ERC2: variants seen among roughly 807,000 people sequenced by gnomAD.
ERC2 encodes the protein ERC protein 2.
Under a neutral mutation model 114.8 loss-of-function variants are expected in ERC2, and 42 were observed. The observed-to-expected ratio is 0.37, with a 90% confidence interval of 0.29 to 0.47. ERC2 has a LOEUF of 0.47. Ranked by LOEUF, ERC2 falls within the 20% of genes least tolerant of loss-of-function variation. The pLI is 0.99. For missense variants in ERC2, 939 were observed against 1,150.7 expected (o/e 0.82, Z 2.66); for synonymous variants, 454 against 425.5 (o/e 1.07, Z -0.82).
intron 2 of ERC2, among the ~76,000 whole-genome samples, chr3:56,362,245 G>C (rs1054139816): frequency 6.6e-6 from 1 of 152,196 alleles, no homozygotes; most frequent in African/African-American, 2.4e-5. Context: ...GGAATTTTAA[G>C]TGTTAGAGCT....
intron 17 of ERC2, among the ~76,000 whole-genome samples, chr3:55,542,657 T>C (rs1045576523): frequency 6.6e-6 from 1 of 152,138 alleles, no homozygotes; most frequent in African/African-American, 2.4e-5. Context: ...CATGAAAAAA[T>C]GAAGAGCTTT....
intron 3 of ERC2, among the ~76,000 whole-genome samples, chr3:56,235,189 AATC>A (rs1366802217): frequency 1.3e-5 from 2 of 152,174 alleles, no homozygotes; most frequent in Non-Finnish European, 2.9e-5. Flanking sequence ...TGCATACAAC[AATC>A]ATTCAACAAC....
chr3:56,107,150 G>A (rs1226548082), intron 6 of ERC2, among the ~76,000 whole-genome samples: 1 of 152,078 alleles, frequency 6.6e-6, no homozygotes, highest in Non-Finnish European at 1.5e-5. Context: ...CCAAGATATT[G>A]AAGGGGGAAA....
chr3:56,215,981 C>T (rs1460151750), intron 3 of ERC2, among the ~76,000 whole-genome samples: 2 of 151,982 alleles, frequency 1.3e-5, no homozygotes, highest in African/African-American at 4.8e-5. Context: ...ATCTCTGGGA[C>T]ACATTTAAAG....
At chr3:56,364,240 G>A (rs1292038861) in intron 2 of ERC2, among the ~76,000 whole-genome samples, 5 of 152,168 alleles carry the variant, frequency 3.3e-5, no homozygotes, top group Non-Finnish European at 1.5e-5. Context: ...CTGGGGGATT[G>A]GGAAATGGAG....
chr3:56,356,219 G>C (rs2058739171), intron 2 of ERC2, among the ~76,000 whole-genome samples: 1 of 152,158 alleles, frequency 6.6e-6, no homozygotes, highest in African/African-American at 2.4e-5. Flanking sequence ...ATCCACCAGA[G>C]GTTGTTTTTT....
At chr3:55,538,625 T>C (rs888934260) in intron 17 of ERC2, among the ~76,000 whole-genome samples, 12 of 152,246 alleles carry the variant, frequency 7.9e-5, no homozygotes, top group South Asian at 2.1e-4. Context: ...AGGGCATTTT[T>C]GGATTCACAA....
chr3:56,360,639 G>C (rs1216760875), intron 2 of ERC2, among the ~76,000 whole-genome samples: 1 of 152,182 alleles, frequency 6.6e-6, no homozygotes, highest in African/African-American at 2.4e-5. Context: ...CAGCCACAGT[G>C]GCTCACGCCT....
At chr3:56,147,942 C>T (rs1218428390) in intron 5 of ERC2, among the ~76,000 whole-genome samples, 3 of 152,062 alleles carry the variant, frequency 2.0e-5, no homozygotes, top group African/African-American at 7.2e-5. Context: ...AAAATACAAT[C>T]CAAAATCTTT....
intron 17 of ERC2, among the ~76,000 whole-genome samples, chr3:55,520,030 G>A (rs1275857706): frequency 6.7e-6 from 1 of 148,712 alleles, no homozygotes; most frequent in Non-Finnish European, 1.5e-5. Flanking sequence ...ACCCCAGCCT[G>A]GGTGATAGAG....
At chr3:56,219,318 T>C (rs182118951) in intron 3 of ERC2, among the ~76,000 whole-genome samples, 93 of 152,164 alleles carry the variant, frequency 6.1e-4, no homozygotes, top group Non-Finnish European at 1.2e-3. Context: ...AAAATTTTTC[T>C]TCTTAGGTGG....
chr3:56,207,091 G>A (rs1282796124), intron 3 of ERC2, among the ~76,000 whole-genome samples: 1 of 152,006 alleles, frequency 6.6e-6, no homozygotes, highest in African/African-American at 2.4e-5. Flanking sequence ...CATTAGTTGC[G>A]GCTCTCACTG....
intron 16 of ERC2, among the ~76,000 whole-genome samples, chr3:55,691,573 A>AAAAAATATAT (rs1553631525): frequency 2.3e-4 from 9 of 39,738 alleles, no homozygotes; most frequent in Non-Finnish European, 3.7e-4. Flanking sequence ...AAAAAAAAAA[A>AAAAAATATAT]ATATATATAT....
intron 15 of ERC2, among the ~76,000 whole-genome samples, chr3:55,733,530 TTTCTC>T (rs2065416783): frequency 2.7e-5 from 1 of 36,928 alleles, no homozygotes; most frequent in Admixed American, 2.2e-4. Context: ...TCTCTCATTC[TTTCTC>T]TCTCTCTCAC....
intron 17 of ERC2, among the ~76,000 whole-genome samples, chr3:55,604,487 T>C (rs1452065699): frequency 6.6e-6 from 1 of 152,174 alleles, no homozygotes; most frequent in East Asian, 1.9e-4. Flanking sequence ...CCCTTTTCTC[T>C]ATGTTCCTGC....
chr3:55,768,346 C>T (rs768420685), intron 14 of ERC2, among the ~76,000 whole-genome samples: 41 of 152,340 alleles, frequency 2.7e-4, no homozygotes, highest in Admixed American at 1.3e-3. Flanking sequence ...ACATCCATCG[C>T]TCATTCTTCC....
intron 15 of ERC2, among the ~76,000 whole-genome samples, chr3:55,718,951 C>T (rs1326415256): frequency 6.6e-6 from 1 of 152,152 alleles, no homozygotes; most frequent in African/African-American, 2.4e-5. Context: ...CAATGATTCA[C>T]CGAAATTTCC....
At chr3:56,095,617 A>G (rs865947215) in intron 6 of ERC2, among the ~76,000 whole-genome samples, 14 of 152,336 alleles carry the variant, frequency 9.2e-5, no homozygotes, top group African/African-American at 2.4e-4. Context: ...GATAAAAACA[A>G]GGATTAAATG....
At chr3:55,563,888 G>A (rs1039026384) in intron 17 of ERC2, among the ~76,000 whole-genome samples, 6 of 152,158 alleles carry the variant, frequency 3.9e-5, no homozygotes, top group African/African-American at 1.2e-4. Context: ...TTTCAGCTTC[G>A]TTTAGTTTTG....
Sources: gnomAD v4.1 joint callset for allele counts (sites outside exome capture counted in the v4.1 genomes callset) on GRCh38, gnomAD v4.1.1 for gene constraint, MANE v1.5 for transcripts, NCBI Gene and HGNC (gene_info 2026-07-23, HGNC 2026-07-21) for gene names.